ARMH4: variants seen among roughly 807,000 people sequenced by gnomAD.
ARMH4 encodes the protein armadillo like helical domain containing 4.
ARMH4 carries 49 observed loss-of-function variants against 61.9 expected under a neutral mutation model. That is an observed-to-expected ratio of 0.79 (90% CI 0.63 to 1.00). The LOEUF (loss-of-function observed/expected upper bound fraction) is 1.00. Among genes scored for constraint, ARMH4 ranks in the 50% least tolerant of loss-of-function variants. ARMH4 has a pLI of 0.00. For missense variants in ARMH4, 934 were observed against 930.0 expected, an observed-to-expected ratio of 1.00 and a Z score of -0.06; for synonymous variants, 368 against 341.5, an observed-to-expected ratio of 1.08 and a Z score of -0.85.
At chr14:58,117,949 A>T (rs1169425986) in intron 4 of ARMH4, among the ~76,000 whole-genome samples, 1 of 151,764 alleles carries the variant, frequency 6.6e-6, no homozygotes, top group Admixed American at 6.6e-5. Context: ...AAATTTATAC[A>T]GGTGGAGTCT....
rs1358945711 is a variant in ARMH4, at chr14:58,138,788, A to G, written c.571T>C (p.Ser191Pro). 6.2e-7 allele frequency: 1 copy of G among 1,614,114 alleles called. No individual in the cohort carries two copies. The highest frequency in any genetic ancestry group is 8.5e-7 in the Non-Finnish European group (1 of 1,180,054). The change falls in exon 2 of 8, where the codon TCA becomes CCA. Residue 191 changes from serine to proline, a missense_variant. By Grantham distance (74) the Ser-to-Pro change is moderately conservative. Coordinates refer to ENST00000267485, the MANE Select transcript of ARMH4 (RefSeq NM_001001872.4). Reference protein sequence around the residue: ...KGFLKYMDNQSFATESQEGVG... With the variant: ...KGFLKYMDNQPFATESQEGVG... ...CCTTCCTGACTTTCAGTTGCAAATGATTGATTATCCATATACTTCAGAAAA... is the reference window on the plus strand; with the variant it reads ...CCTTCCTGACTTTCAGTTGCAAATGGTTGATTATCCATATACTTCAGAAAA...
chr14:58,083,124 A>G (rs996909298), intron 5 of ARMH4, among the ~76,000 whole-genome samples: 3 of 152,228 alleles, frequency 2.0e-5, no homozygotes, highest in African/African-American at 7.2e-5. Context: ...GAACCAATAT[A>G]TTAATCCACT....
intron 5 of ARMH4, among the ~76,000 whole-genome samples, chr14:58,079,207 G>C (rs967693495): frequency 6.6e-6 from 1 of 152,142 alleles, no homozygotes; most frequent in Admixed American, 6.5e-5. Flanking sequence ...GTTTTCTGCT[G>C]TTAGAATATC....
At chr14:58,011,062 C>T (rs1882390656) in intron 6 of ARMH4, among the ~76,000 whole-genome samples, 2 of 152,074 alleles carry the variant, frequency 1.3e-5, no homozygotes, top group Non-Finnish European at 2.9e-5. Flanking sequence ...CCCAGCCCAC[C>T]TCTCTTCACA....
At chr14:58,118,709 G>T (rs1886619210) in intron 4 of ARMH4, among the ~76,000 whole-genome samples, 1 of 152,152 alleles carries the variant, frequency 6.6e-6, no homozygotes, top group Admixed American at 6.5e-5. Flanking sequence ...AGATCAGAGA[G>T]AAATTTGTAC....
At chr14:58,113,780 A>G (rs1286066584) in intron 4 of ARMH4, among the ~76,000 whole-genome samples, 1 of 151,804 alleles carries the variant, frequency 6.6e-6, no homozygotes, top group Non-Finnish European at 1.5e-5. Context: ...GGATTATTTA[A>G]CCTGTCATTG....
rs1429191345 is a variant in ARMH4, at chr14:58,139,278, G to A, written c.81C>T (p.Ala27=). 1 of 1,614,168 alleles carries A rather than the reference G, an allele frequency of 6.2e-7. No individual in the cohort carries two copies. Among genetic ancestry groups the A allele is most frequent in the Non-Finnish European group, 8.5e-7 (1 of 1,180,036 alleles). Residue 27 remains alanine, a synonymous_variant, in exon 2 of 8, where the codon GCC becomes GCT. Transcript: ENST00000267485. ...LLFSVATQCL[A]FPKIERRREI... ...CCCTCCTCCTTTCTATTTTGGGGAA[G>A]GCCAGACATTGTGTGGCAACGCTGA...
chr14:58,111,664 C>T (rs1209940559), intron 4 of ARMH4, among the ~76,000 whole-genome samples: 4 of 151,348 alleles, frequency 2.6e-5, no homozygotes, highest in Non-Finnish European at 5.9e-5. Context: ...ACTCTAGTGT[C>T]TCTTGTTCTT....
intron 5 of ARMH4, among the ~76,000 whole-genome samples, chr14:58,059,462 A>T (rs545905681): frequency 6.6e-6 from 1 of 152,352 alleles, no homozygotes; most frequent in South Asian, 2.1e-4. Context: ...AGTGAGCTCT[A>T]ATTAAAGTCA....
At chr14:58,025,826 C>T (rs1488499427) in intron 5 of ARMH4, among the ~76,000 whole-genome samples, 2 of 152,042 alleles carry the variant, frequency 1.3e-5, no homozygotes, top group Non-Finnish European at 1.5e-5. Flanking sequence ...AATTACAGAA[C>T]AGCAAGATTC....
At chr14:58,109,865 G>T (rs1016763577) in intron 4 of ARMH4, among the ~76,000 whole-genome samples, 15 of 152,136 alleles carry the variant, frequency 9.9e-5, no homozygotes, top group African/African-American at 3.6e-4. Context: ...TGCATGGCTG[G>T]AGAGGCCTCA....
At chr14:58,016,435 AATGTTAACTGAATTAATCAATTCAGTTG>A (rs1882618846) in intron 5 of ARMH4, among the ~76,000 whole-genome samples, 1 of 152,206 alleles carries the variant, frequency 6.6e-6, no homozygotes, top group African/African-American at 2.4e-5. Flanking sequence ...TGCACATCAA[AATGTTAACTGAATTAATCAATTCAGTTG>A]ATTGATTAAT....
chr14:58,052,996 C>T (rs1466115753), intron 5 of ARMH4, among the ~76,000 whole-genome samples: 1 of 152,072 alleles, frequency 6.6e-6, no homozygotes, highest in Non-Finnish European at 1.5e-5. Context: ...TTAACACTAC[C>T]CTTCCCTCGC....
chr14:58,141,883 C>G (rs748734362), intron 1 of ARMH4, among the ~76,000 whole-genome samples: 1 of 152,046 alleles, frequency 6.6e-6, no homozygotes, highest in East Asian at 1.9e-4. Context: ...AAGAGTTAAG[C>G]AAGGTTAATA....
chr14:58,133,891 G>A (rs1887214050), intron 2 of ARMH4, among the ~76,000 whole-genome samples: 1 of 152,250 alleles, frequency 6.6e-6, no homozygotes, highest in Non-Finnish European at 1.5e-5. Context: ...GTACTACAGG[G>A]AGATAGGTAC....
In ARMH4 at chr14:58,064,702, T is replaced by C. The variant is rs963398275; in HGVS notation, c.2089+32022A>G. Among the ~76,000 whole-genome samples the C allele has an allele frequency of 1.5e-4, 23 of 152,210 alleles. 1 individual carries two copies. The highest frequency in any genetic ancestry group is 2.0e-4 in the Admixed American group (3 of 15,284). ...ATATGTGATATTGTGCTAGGTGCCA[T>C]TGATTTTTTGAAAGAGTGAGGAGTA... is the stretch of plus-strand genomic sequence containing the variant. On this transcript the variant is annotated intron_variant, in intron 5 of 7. Coordinates refer to ENST00000267485, the MANE Select transcript of ARMH4 (RefSeq NM_001001872.4).
At chr14:58,081,231 C>CA (rs1221123587) in intron 5 of ARMH4, among the ~76,000 whole-genome samples, 2 of 152,192 alleles carry the variant, frequency 1.3e-5, no homozygotes, top group African/African-American at 2.4e-5. Flanking sequence ...AAACCAGCAG[C>CA]ATCAGTCTCT....
intron 5 of ARMH4, among the ~76,000 whole-genome samples, chr14:58,028,753 C>G (rs956428436): frequency 6.6e-6 from 1 of 152,154 alleles, no homozygotes; most frequent in Non-Finnish European, 1.5e-5. Flanking sequence ...AGATTTCCTT[C>G]CAAGATCAGT....
chr14:58,075,814 G>A (rs8007124), intron 5 of ARMH4, among the ~76,000 whole-genome samples: 66,364 of 151,880 alleles, frequency 0.44, 15,277 homozygotes, highest in Middle Eastern at 0.52. Context: ...ATAAACATGC[G>A]TTCAAATCTT....
Sources: allele counts gnomAD v4.1 joint callset (sites outside exome capture counted in the v4.1 genomes callset), GRCh38; gene constraint gnomAD v4.1.1; transcripts MANE v1.5; gene names NCBI Gene and HGNC (gene_info 2026-07-23, HGNC 2026-07-21).